The following BTG4 variants were observed in gnomAD, a reference collection of about 807,000 sequenced individuals.
The protein encoded by BTG4 is BTG anti-proliferation factor 4, also known as protein BTG4.
In BTG4, 10 loss-of-function variants were observed where a neutral mutation model predicts 19.3. That is an observed-to-expected ratio of 0.52 (90% confidence interval 0.32 to 0.88). The LOEUF (loss-of-function observed/expected upper bound fraction) is 0.88. Among genes scored for constraint, BTG4 ranks in the 40% least tolerant of loss-of-function variants. The pLI is 0.04. For synonymous variants in BTG4, 91 were observed against 95.7 expected (o/e 0.95, Z 0.29); for missense variants, 238 against 281.9 (o/e 0.84, Z 1.11).
chr11:111,514,067 T>C (rs2135768107), upstream of BTG4: 1 of 153,026 alleles, frequency 6.5e-6, no homozygotes, highest in East Asian at 1.9e-4. Flanking sequence ...AATACTTTTA[T>C]AAGAAATACA....
the BTG4 span, among the ~76,000 whole-genome samples, chr11:111,459,967 G>A: frequency 6.6e-6 from 1 of 152,034 alleles, no homozygotes; most frequent in African/African-American, 2.4e-5. Context: ...AAAACCCCAG[G>A]ACCATAAATC....
At chr11:111,506,319 T>C (rs1230751518) in intron 1 of BTG4, among the ~76,000 whole-genome samples, 1 of 152,104 alleles carries the variant, frequency 6.6e-6, no homozygotes, top group Non-Finnish European at 1.5e-5. Context: ...AATGAAATCA[T>C]GTCCTTTGCA....
At chr11:111,395,300 G>C in the BTG4 span, among the ~76,000 whole-genome samples, 1 of 152,174 alleles carries the variant, frequency 6.6e-6, no homozygotes, top group Non-Finnish European at 1.5e-5. Flanking sequence ...CCGGTGGACT[G>C]TCACCTCCGC....
At chr11:111,497,070 C>A in intron 4 of BTG4, 141 bp downstream of exon 4, 1 of 814,788 alleles carries the variant, frequency 1.2e-6, no homozygotes, top group South Asian at 2.1e-5. Context: ...AAAGTTTTGC[C>A]AAAATATTAA....
the BTG4 span, among the ~76,000 whole-genome samples, chr11:111,453,992 T>C: frequency 1.3e-5 from 2 of 152,226 alleles, no homozygotes; most frequent in African/African-American, 4.8e-5. Flanking sequence ...CCTAGAACTT[T>C]AATGTAGATA....
chr11:111,397,317 T>C, the BTG4 span, among the ~76,000 whole-genome samples: 1 of 152,158 alleles, frequency 6.6e-6, no homozygotes, highest in Admixed American at 6.5e-5. Context: ...TTCATCTAAC[T>C]TCCTAGGCCC....
chr11:111,466,499 C>T (rs1218156888), downstream of BTG4, among the ~76,000 whole-genome samples: 1 of 152,238 alleles, frequency 6.6e-6, no homozygotes, highest in African/African-American at 2.4e-5. Context: ...GACCCTCATT[C>T]TGTCCTAGCC....
the BTG4 span, among the ~76,000 whole-genome samples, chr11:111,394,269 T>C: frequency 1.3e-5 from 2 of 152,230 alleles, no homozygotes; most frequent in Admixed American, 6.5e-5. Flanking sequence ...CATACTGATA[T>C]GGTTTGGCTG....
At chr11:111,414,280 C>T in the BTG4 span, 1 of 152,324 alleles carries the variant, frequency 6.6e-6, no homozygotes, top group South Asian at 2.1e-4. Context: ...ATCACCTCTT[C>T]TAGAGAACAA....
At chr11:111,456,745 C>T in the BTG4 span, 18 of 318,522 alleles carry the variant, frequency 5.7e-5, no homozygotes, top group African/African-American at 3.4e-4. The surrounding 1 kb of genome is among the most constrained non-coding windows in gnomAD (Gnocchi z 4.2). Context: ...TGCCGGTGAG[C>T]CCCTGGCCCA....
the BTG4 span, among the ~76,000 whole-genome samples, chr11:111,415,656 G>C: frequency 4.6e-5 from 7 of 152,318 alleles, no homozygotes; most frequent in East Asian, 1.4e-3. Flanking sequence ...CAGGCCTCCA[G>C]AGCAGAGCTG....
At chr11:111,434,938 C>A in the BTG4 span, 1 of 152,204 alleles carries the variant, frequency 6.6e-6, no homozygotes, top group African/African-American at 2.4e-5. Context: ...GCCATCCCAG[C>A]GCTGGCTGCA....
At chr11:111,501,720 A>G (rs918230038) in intron 1 of BTG4, among the ~76,000 whole-genome samples, 2 of 152,214 alleles carry the variant, frequency 1.3e-5, no homozygotes, top group Admixed American at 1.3e-4. Context: ...GGATATCCCA[A>G]TTACCTTATT....
Position 111,512,358 on chromosome 11 carries a change from C to G in BTG4, c.-204G>C, listed in dbSNP as rs1867008631. 6.6e-6 allele frequency: 1 copy of G among 152,230 alleles called. No individual in the cohort carries two copies. The highest frequency in any genetic ancestry group is 2.1e-4 in the South Asian group (1 of 4,830). 9.4% of individuals were successfully genotyped at this position (152,230 alleles called of 1,614,324 possible). A position where few individuals can be genotyped will look rare whatever the true frequency, so the allele number is the denominator to read the frequency against. ...TCTCCCTTGGAGGCCCTTCAGGGACCGCCCACAGCGCTTTCTCTCAGCCTC... is the reference window on the plus strand; with the variant it reads ...TCTCCCTTGGAGGCCCTTCAGGGACGGCCCACAGCGCTTTCTCTCAGCCTC... On this transcript the variant is annotated 5_prime_UTR_variant, in exon 1 of 5. Transcript: ENST00000692032.
chr11:111,506,236 GC>G (rs1321599417), intron 1 of BTG4, among the ~76,000 whole-genome samples: 1 of 151,950 alleles, frequency 6.6e-6, no homozygotes, highest in Admixed American at 6.6e-5. Context: ...CTACATGTCT[GC>G]CAACTGTTGA....
chr11:111,494,686 G>A (rs1182673942), downstream of BTG4, among the ~76,000 whole-genome samples: 1 of 152,188 alleles, frequency 6.6e-6, no homozygotes. Flanking sequence ...AACACTTTGG[G>A]AGGCCGAGAC....
rs1031678834 is a variant in BTG4 at position 111,495,265 on chromosome 11, T to C, written c.560A>G (p.Lys187Arg). The change falls in exon 5 of 5, where the codon AAA (lysine) becomes AGA (arginine). Residue 187 changes from lysine (K) to arginine (R), a missense_variant. Coordinates refer to ENST00000692032, the MANE Select transcript of BTG4 (RefSeq NM_001367975.1). Reference protein sequence around the residue: ...PFQSWLQIPRKKNVVDGRVGL... With the variant: ...PFQSWLQIPRRKNVVDGRVGL... ...AACACGGCCGTCCACCACATTCTTTTTGCGGGGGATTTGTAACCAAGATTG... is the reference window on the plus strand; with the variant it reads ...AACACGGCCGTCCACCACATTCTTTCTGCGGGGGATTTGTAACCAAGATTG... 1 of 1,611,040 alleles carries C rather than the reference T, an allele frequency of 6.2e-7. No individual in the cohort carries two copies. Among genetic ancestry groups the C allele is most frequent in the African/African-American group, 1.3e-5 (1 of 74,660 alleles).
the BTG4 span, among the ~76,000 whole-genome samples, chr11:111,440,318 C>T: frequency 6.6e-6 from 1 of 152,172 alleles, no homozygotes; most frequent in Non-Finnish European, 1.5e-5. Context: ...TTCTATTAGT[C>T]AAGCAGATTC....
intron 5 of BTG4, among the ~76,000 whole-genome samples, chr11:111,489,554 T>C (rs1043379606): frequency 6.6e-6 from 1 of 152,188 alleles, no homozygotes; most frequent in African/African-American, 2.4e-5. Context: ...AACAGATGAA[T>C]GGATAAAGAA....
Sources: allele counts gnomAD v4.1 joint callset (sites outside exome capture counted in the v4.1 genomes callset), GRCh38; gene constraint gnomAD v4.1.1; non-coding constraint Gnocchi (gnomAD v3.1); transcripts MANE v1.5; gene names NCBI Gene and HGNC (gene_info 2026-07-23, HGNC 2026-07-21).